Variants in ERBB4 observed in about 807,000 individuals in gnomAD.
ERBB4 encodes receptor tyrosine-protein kinase erbB-4.
A neutral mutation model predicts 158.0 loss-of-function variants in ERBB4; 42 were observed. The ratio of observed to expected loss-of-function variants is 0.27; its 90% CI spans 0.21 to 0.34. The LOEUF is 0.34. Ranked by LOEUF, ERBB4 falls within the 10% of genes least tolerant of loss-of-function variation. The pLI, the probability that ERBB4 is intolerant of heterozygous loss-of-function variation, is 1.00. For synonymous variants in ERBB4, 583 were observed against 558.7 expected (o/e 1.04, Z -0.61); for missense variants, 1,333 against 1,624.1 (o/e 0.82, Z 3.08).
intron 1 of ERBB4, among the ~76,000 whole-genome samples, chr2:212,134,191 AG>A (rs1278477528): frequency 6.9e-6 from 1 of 144,800 alleles, no homozygotes; most frequent in African/African-American, 2.7e-5. Context: ...AGTTTTGAGA[AG>A]TTTTTTTTTA....
At chr2:211,502,714 C>A (rs1292789613) in intron 20 of ERBB4, among the ~76,000 whole-genome samples, 1 of 152,094 alleles carries the variant, frequency 6.6e-6, no homozygotes, top group African/African-American at 2.4e-5. Context: ...TGATTACAGC[C>A]ATCTTTGATG....
chr2:212,289,082 C>A (rs1227766168), intron 1 of ERBB4, among the ~76,000 whole-genome samples: 2 of 152,058 alleles, frequency 1.3e-5, no homozygotes, highest in Non-Finnish European at 2.9e-5. Flanking sequence ...GAAAGAACTA[C>A]CTACGCCCCA....
chr2:212,251,766 G>A (rs894194832), intron 1 of ERBB4, among the ~76,000 whole-genome samples: 1 of 151,970 alleles, frequency 6.6e-6, no homozygotes, highest in East Asian at 1.9e-4. Context: ...ATTTAGAAAG[G>A]TGACAGGTGG....
At chr2:212,113,446 T>C (rs546738686) in intron 2 of ERBB4, among the ~76,000 whole-genome samples, 5 of 151,796 alleles carry the variant, frequency 3.3e-5, no homozygotes, top group Admixed American at 2.0e-4. Context: ...TGGTGGTGGA[T>C]GCCTGCAGTC....
chr2:211,388,596 G>C (rs902585507), intron 25 of ERBB4, among the ~76,000 whole-genome samples: 5 of 150,598 alleles, frequency 3.3e-5, no homozygotes, highest in African/African-American at 1.2e-4. Flanking sequence ...AGTTAAGAAA[G>C]AGCAGAAAAT....
chr2:211,421,517 A>T (rs1167060191), intron 24 of ERBB4, among the ~76,000 whole-genome samples: 7 of 151,924 alleles, frequency 4.6e-5, no homozygotes, highest in Admixed American at 4.6e-4. Context: ...ATTTGAATTG[A>T]GTTATTGCTT....
intron 1 of ERBB4, among the ~76,000 whole-genome samples, chr2:212,398,308 G>T (rs1290932024): frequency 1.3e-5 from 2 of 151,942 alleles, no homozygotes; most frequent in East Asian, 3.9e-4. Context: ...CATATATGTG[G>T]TTTTTAAAAT....
rs190060297 is a variant in ERBB4, at chr2:211,896,506, T to A, written c.421+50924A>T. On this transcript the variant is annotated intron_variant, in intron 3 of 27. Transcript: ENST00000342788. ...GGTCCAAGATGTCCTCCTCTCTGAT[T>A]TTTTTATTACTATAGTAGGTTTCTA... Among the ~76,000 whole-genome samples the A allele has an allele frequency of 7.9e-5, 12 of 152,240 alleles. No homozygotes were observed. The East Asian group carries it at 2.3e-3, about 29-fold the overall frequency.
chr2:212,120,307 C>T (rs887544809), intron 2 of ERBB4, among the ~76,000 whole-genome samples: 4 of 152,098 alleles, frequency 2.6e-5, no homozygotes, highest in African/African-American at 9.7e-5. Flanking sequence ...AATTCCAAAT[C>T]CTCATGGGAA....
chr2:211,601,085 C>T (rs1483747398), intron 19 of ERBB4, among the ~76,000 whole-genome samples: 1 of 152,012 alleles, frequency 6.6e-6, no homozygotes, highest in Non-Finnish European at 1.5e-5. Flanking sequence ...AAGAAATTAG[C>T]ATCCTAAAAC....
intron 5 of ERBB4, among the ~76,000 whole-genome samples, chr2:211,746,015 T>C (rs1437148764): frequency 3.3e-5 from 5 of 152,230 alleles, no homozygotes; most frequent in Non-Finnish European, 7.3e-5. Context: ...ATTTCCTCAA[T>C]TGTAAAATTG....
At chr2:212,154,851 G>A (rs971688937) in intron 1 of ERBB4, among the ~76,000 whole-genome samples, 2 of 152,090 alleles carry the variant, frequency 1.3e-5, no homozygotes, top group African/African-American at 4.8e-5. Flanking sequence ...TTATGAACCT[G>A]TTCAATATGC....
intron 1 of ERBB4, among the ~76,000 whole-genome samples, chr2:212,406,603 T>C (rs77549586): frequency 0.015 from 2,356 of 152,246 alleles, 62 homozygotes; most frequent in African/African-American, 0.054. Flanking sequence ...CCAGACTGAA[T>C]GAAGAGTAAA....
intron 2 of ERBB4, among the ~76,000 whole-genome samples, chr2:212,032,517 T>A (rs1346974361): frequency 1.3e-5 from 2 of 152,112 alleles, no homozygotes; most frequent in Non-Finnish European, 1.5e-5. Flanking sequence ...AGATAGAGAC[T>A]AGTTTAATAC....
At chr2:211,773,283 G>A (rs1305011551) in intron 4 of ERBB4, among the ~76,000 whole-genome samples, 2 of 151,356 alleles carry the variant, frequency 1.3e-5, no homozygotes, top group South Asian at 2.1e-4. Context: ...TAAAAGATAA[G>A]TAGAAACTAA....
chr2:212,011,501 A>T (rs1453245283), intron 2 of ERBB4, among the ~76,000 whole-genome samples: 1 of 152,246 alleles, frequency 6.6e-6, no homozygotes, highest in East Asian at 1.9e-4. Flanking sequence ...CTGTAATCCC[A>T]GCACCCTGGG....
At chr2:211,451,533 G>A (rs1193079390) in intron 20 of ERBB4, among the ~76,000 whole-genome samples, 1 of 152,160 alleles carries the variant, frequency 6.6e-6, no homozygotes, top group East Asian at 1.9e-4. Flanking sequence ...TGGTGGTCAT[G>A]AGAATTTGGT....
intron 2 of ERBB4, among the ~76,000 whole-genome samples, chr2:212,117,222 C>A (rs1462290960): frequency 6.6e-6 from 1 of 152,134 alleles, no homozygotes; most frequent in Non-Finnish European, 1.5e-5. Flanking sequence ...AAGAGGTCAT[C>A]ATGTTAATGC....
chr2:212,244,193 T>C (rs1182913546), intron 1 of ERBB4, among the ~76,000 whole-genome samples: 1 of 152,170 alleles, frequency 6.6e-6, no homozygotes, highest in African/African-American at 2.4e-5. Context: ...TCATGATACA[T>C]AGACATTTAT....
Sources: allele counts gnomAD v4.1 joint callset (sites outside exome capture counted in the v4.1 genomes callset), GRCh38; gene constraint gnomAD v4.1.1; transcripts MANE v1.5; gene names NCBI Gene and HGNC (gene_info 2026-07-23, HGNC 2026-07-21).